The following GPRC5A variants were observed in gnomAD, a reference collection of about 807,000 sequenced individuals.
The protein encoded by GPRC5A is retinoic acid-induced protein 3.
Under a neutral mutation model 22.5 loss-of-function variants are expected in GPRC5A, and 19 were observed. That is an observed-to-expected ratio of 0.85 (90% CI 0.59 to 1.24). The LOEUF is 1.24. Among genes scored for constraint, GPRC5A ranks in the 50% most tolerant of loss-of-function variants. The pLI is 0.00. For synonymous variants in GPRC5A, 192 were observed against 184.5 expected (o/e 1.04, Z -0.33); for missense variants, 471 against 451.1 (o/e 1.04, Z -0.40).
chr12:12,907,854 A>G (rs1861183), intron 1 of GPRC5A, among the ~76,000 whole-genome samples: 72,705 of 151,746 alleles, frequency 0.48, 18,169 homozygotes, highest in East Asian at 0.89. Context: ...CTCAAACTTC[A>G]GAGAGCAAAT....
intron 1 of GPRC5A, among the ~76,000 whole-genome samples, chr12:12,904,508 C>T (rs544056971): frequency 2.0e-5 from 3 of 152,246 alleles, no homozygotes; most frequent in Admixed American, 2.0e-4. Context: ...ATCCGTCTCT[C>T]TCTTCTACTG....
intron 1 of GPRC5A, among the ~76,000 whole-genome samples, chr12:12,893,290 C>CT (rs1257561317): frequency 3.9e-5 from 6 of 152,200 alleles, no homozygotes; most frequent in East Asian, 1.9e-4. Context: ...TTAGAACTGG[C>CT]TTTTTTGTAT....
rs1863977187 is a variant in GPRC5A, at chr12:12,909,040, A to C, written c.791A>C (p.Glu264Ala). ...WVFLLAYVSPEFWLLTKQRNP... is the reference protein window; with the variant it reads ...WVFLLAYVSPAFWLLTKQRNP... Reference sequence around the variant, plus strand: ...TTCCTGTTGGCTTATGTTAGTCCCGAGTTTTGGCTGCTCACAAAGCAACGA... The same window carrying C: ...TTCCTGTTGGCTTATGTTAGTCCCGCGTTTTGGCTGCTCACAAAGCAACGA... The change falls in exon 2 of 4, where the codon GAG (glutamate) becomes GCG (alanine). Residue 264 changes from glutamate (E) to alanine (A), a missense_variant. Coordinates refer to ENST00000014914, the MANE Select transcript of GPRC5A (RefSeq NM_003979.4). 1.2e-6 allele frequency: 2 copies of C among 1,612,444 alleles called. No homozygotes were observed. The highest frequency in any genetic ancestry group is 2.2e-5 in the South Asian group (2 of 91,088).
chr12:12,897,753 C>T (rs563394743), intron 1 of GPRC5A, among the ~76,000 whole-genome samples: 9 of 151,706 alleles, frequency 5.9e-5, no homozygotes, highest in South Asian at 4.2e-4. Context: ...GGACTACAGG[C>T]GTGAGCCACC....
At position 12,895,852 on chromosome 12, in the gene GPRC5A, G is replaced by A. The variant is rs576379526; in HGVS notation, c.-8+4188G>A. On this transcript the variant is annotated intron_variant, in intron 1 of 3. Coordinates refer to ENST00000014914, the MANE Select transcript of GPRC5A (RefSeq NM_003979.4). ...AAAAAAAAAAAAAAAAATTAGCCGG[G>A]CGTGGTGGTGGGTGCCTGTAGTCCC... Among the ~76,000 whole-genome samples the A allele has an allele frequency of 4.2e-3, 614 of 144,722 alleles. 5 individuals carry two copies. The highest frequency in any genetic ancestry group is 0.015 in the African/African-American group (586 of 38,086). 94.9% of individuals were successfully genotyped at this position (144,722 alleles called of 152,430 possible).
At chr12:12,902,158 C>T (rs190136038) in intron 1 of GPRC5A, among the ~76,000 whole-genome samples, 55 of 152,254 alleles carry the variant, frequency 3.6e-4, no homozygotes, top group African/African-American at 1.3e-3. Flanking sequence ...TCAGTGCAGA[C>T]TTGTTTATTA....
rs1864063582 is a variant in GPRC5A, at chr12:12,916,324, T to C, written c.*3785T>C. On this transcript the variant is annotated 3_prime_UTR_variant, in exon 4 of 4. Coordinates refer to ENST00000014914, the MANE Select transcript of GPRC5A (RefSeq NM_003979.4). ...ACAGCCTTTCTCTCATCTTGCATTG[T>C]GAGATGCGAAATAGAGCGTGTCTCT... The C allele has an allele frequency of 2.0e-5, 3 of 152,524 alleles. No homozygotes were observed. The highest frequency in any genetic ancestry group is 2.9e-5 in the Non-Finnish European group (2 of 68,104). The allele number at this position is 152,524 out of a possible 1,614,324, so 9.4% of individuals were successfully genotyped here. A position where few individuals can be genotyped will look rare whatever the true frequency, so the allele number is the denominator to read the frequency against.
intron 1 of GPRC5A, among the ~76,000 whole-genome samples, chr12:12,905,353 C>G (rs1384932089): frequency 2.0e-5 from 3 of 152,182 alleles, no homozygotes; most frequent in Admixed American, 6.5e-5. Flanking sequence ...TGCGAGCCTT[C>G]CCTTCCTCTA....
chr12:12,892,820 G>A (rs560842122), intron 1 of GPRC5A, among the ~76,000 whole-genome samples: 3 of 152,108 alleles, frequency 2.0e-5, no homozygotes, highest in African/African-American at 4.8e-5. Flanking sequence ...TGAAGGGTTC[G>A]GCCGAATCAG....
At chr12:12,911,062 G>T (rs900544733) in intron 2 of GPRC5A, among the ~76,000 whole-genome samples, 1 of 151,886 alleles carries the variant, frequency 6.6e-6, no homozygotes, top group African/African-American at 2.4e-5. Flanking sequence ...TAGTAGAGAC[G>T]GGGTTTCACC....
chr12:12,911,373 T>G (rs1453014042), intron 2 of GPRC5A, among the ~76,000 whole-genome samples: 1 of 152,178 alleles, frequency 6.6e-6, no homozygotes, highest in Non-Finnish European at 1.5e-5. Flanking sequence ...ATGATACAAA[T>G]ATATACATAT....
At chr12:12,904,916 C>G (rs1350824486) in intron 1 of GPRC5A, among the ~76,000 whole-genome samples, 1 of 134,132 alleles carries the variant, frequency 7.5e-6, no homozygotes, top group African/African-American at 2.9e-5. Context: ...GATGGAATCT[C>G]TCTCTGTCAC....
intron 1 of GPRC5A, among the ~76,000 whole-genome samples, chr12:12,894,138 C>A (rs1314251465): frequency 1.3e-5 from 2 of 152,204 alleles, no homozygotes; most frequent in Non-Finnish European, 2.9e-5. Flanking sequence ...AAATGTGTGG[C>A]TTGCAGAGTC....
chr12:12,917,241 T>TGC lies in GPRC5A; in HGVS notation c.*4703_*4704insCG, dbSNP rs1215293229. On this transcript the variant is annotated 3_prime_UTR_variant, in exon 4 of 4. Coordinates refer to ENST00000014914, the MANE Select transcript of GPRC5A (RefSeq NM_003979.4). ...GTGTGTGTGTGTGTGTGTGTGTGTG[T>TGC]GTGTGTGTGTGCGTGCGTGCGTGTA... is the stretch of plus-strand genomic sequence containing the variant. The TGC allele has an allele frequency of 8.0e-6, 1 of 124,492 alleles. No individual in the cohort carries two copies. Among genetic ancestry groups the TGC allele is most frequent in the Non-Finnish European group, 1.7e-5 (1 of 60,606 alleles). 7.7% of individuals were successfully genotyped at this position (124,492 alleles called of 1,614,324 possible).
At chr12:12,906,020 G>A (rs936398724) in intron 1 of GPRC5A, among the ~76,000 whole-genome samples, 1 of 152,074 alleles carries the variant, frequency 6.6e-6, no homozygotes, top group Admixed American at 6.6e-5. Flanking sequence ...TAGAGAGGAG[G>A]AGAGAGAGAA....
At chr12:12,898,810 C>T (rs1863850728) in intron 1 of GPRC5A, among the ~76,000 whole-genome samples, 1 of 152,176 alleles carries the variant, frequency 6.6e-6, no homozygotes, top group South Asian at 2.1e-4. Flanking sequence ...TCATAAAAAT[C>T]TCCTACCATT....
rs868038088 is a variant in GPRC5A, at chr12:12,909,992, T to A, written c.922+821T>A. The A allele has an allele frequency of 3.4e-5, 5 of 148,604 alleles. No homozygotes were observed. In the South Asian group the frequency reaches 8.7e-4, roughly 26 times the overall value. The allele number at this position is 148,604 out of a possible 1,614,324, so 9.2% of individuals were successfully genotyped here. On this transcript the variant is annotated intron_variant, in intron 2 of 3. Coordinates refer to ENST00000014914, the MANE Select transcript of GPRC5A (RefSeq NM_003979.4). ...CAAGTGATTTTGCTCTTATCTGGAG[T>A]TGAGACAAGCCAGATGTTCTCGTGT...
Position 12,915,372 on chromosome 12 carries a change from A to C in GPRC5A, c.*2833A>C, listed in dbSNP as rs1864053145. On this transcript the variant is annotated 3_prime_UTR_variant, in exon 4 of 4. Coordinates refer to ENST00000014914, the MANE Select transcript of GPRC5A (RefSeq NM_003979.4). ...TGAATCACTTGTTGAAAAACACACA[A>C]AATATATTTTTTGTAGAGGTGGGGG... The C allele has an allele frequency of 6.6e-6, 1 of 152,004 alleles. No homozygotes were observed. The highest frequency in any genetic ancestry group is 6.6e-5 in the Admixed American group (1 of 15,260). 9.4% of individuals were successfully genotyped at this position (152,004 alleles called of 1,614,324 possible).
At chr12:12,902,116 C>T (rs1277842914) in intron 1 of GPRC5A, among the ~76,000 whole-genome samples, 1 of 152,132 alleles carries the variant, frequency 6.6e-6, no homozygotes, top group Non-Finnish European at 1.5e-5. Context: ...TTTCCCTTAC[C>T]TGGGTCATTC....
Sources: gnomAD v4.1 joint callset for allele counts (sites outside exome capture counted in the v4.1 genomes callset) on GRCh38, gnomAD v4.1.1 for gene constraint, MANE v1.5 for transcripts, NCBI Gene and HGNC (gene_info 2026-07-23, HGNC 2026-07-21) for gene names.